NCKAP5: variants seen among roughly 807,000 people sequenced by gnomAD.
The protein encoded by NCKAP5 is nck-associated protein 5.
Under a neutral mutation model 167.0 loss-of-function variants are expected in NCKAP5, and 92 were observed. That is an observed-to-expected ratio of 0.55 (90% CI 0.47 to 0.66). The LOEUF is 0.66. Ranked by LOEUF, NCKAP5 falls within the 30% of genes least tolerant of loss-of-function variation. NCKAP5 has a pLI of 0.00. For synonymous variants in NCKAP5, 891 were observed against 877.4 expected (o/e 1.02, Z -0.27); for missense variants, 2,378 against 2,315.0 (o/e 1.03, Z -0.56).
At chr2:133,370,702 A>ATT (rs57830853) in intron 3 of NCKAP5, among the ~76,000 whole-genome samples, 2,634 of 138,680 alleles carry the variant, frequency 0.019, 68 homozygotes, top group African/African-American at 0.064. Flanking sequence ...TGGCTAACGT[A>ATT]TTTTTTTTTT....
At chr2:133,647,899 C>T in the NCKAP5 span, among the ~76,000 whole-genome samples, 3 of 151,906 alleles carry the variant, frequency 2.0e-5, no homozygotes, top group Admixed American at 1.3e-4. Flanking sequence ...ACGATGATTA[C>T]GTTAAATGCA....
At chr2:132,775,907 C>T (rs187154594) in intron 15 of NCKAP5, among the ~76,000 whole-genome samples, 89 of 152,272 alleles carry the variant, frequency 5.8e-4, no homozygotes, top group Admixed American at 1.9e-3. Flanking sequence ...ATTTTAAACT[C>T]GCAGGGGTGC....
chr2:133,525,476 T>G (rs1558754479), intron 2 of NCKAP5, among the ~76,000 whole-genome samples: 2 of 152,182 alleles, frequency 1.3e-5, no homozygotes, highest in African/African-American at 4.8e-5. Flanking sequence ...CTGGAAATCT[T>G]GTCTATTTTT....
chr2:133,442,675 AG>A (rs1215965245), intron 3 of NCKAP5, among the ~76,000 whole-genome samples: 1 of 152,218 alleles, frequency 6.6e-6, no homozygotes, highest in African/African-American at 2.4e-5. Context: ...AGCACCTAGC[AG>A]AGTGTGGGCT....
chr2:133,106,674 T>C (rs1390670500), intron 6 of NCKAP5, among the ~76,000 whole-genome samples: 1 of 152,202 alleles, frequency 6.6e-6, no homozygotes, highest in Non-Finnish European at 1.5e-5. Context: ...GCAGAACTTG[T>C]GTGACTGTAA....
intron 6 of NCKAP5, among the ~76,000 whole-genome samples, chr2:133,008,167 C>G (rs1343131185): frequency 6.6e-6 from 1 of 151,882 alleles, no homozygotes; most frequent in Admixed American, 6.6e-5. Context: ...CTCTTGGTGG[C>G]CTTTTCCCAT....
the NCKAP5 span, among the ~76,000 whole-genome samples, chr2:133,616,474 C>T: frequency 6.6e-6 from 1 of 150,966 alleles, no homozygotes; most frequent in African/African-American, 2.4e-5. Flanking sequence ...GGGGATATCA[C>T]CACCGATCCC....
chr2:132,895,243 A>C (rs1258286487), intron 8 of NCKAP5, among the ~76,000 whole-genome samples: 1 of 151,484 alleles, frequency 6.6e-6, no homozygotes, highest in Non-Finnish European at 1.5e-5. Context: ...AGGCAGGAGA[A>C]TAGCGTGAAC....
chr2:133,547,194 A>C lies in NCKAP5; in HGVS notation c.-62+11856T>G, dbSNP rs188198458. Among the ~76,000 whole-genome samples, 160 of 152,272 alleles carry C rather than the reference A, an allele frequency of 1.1e-3. 3 individuals carry two copies. The highest frequency in any genetic ancestry group is 3.6e-3 in the African/African-American group (148 of 41,564). ...CCGGCTTAAAAAACGGCGCGCCACG[A>C]GATTATATCACACACCTGGCTCGGA... On this transcript the variant is annotated intron_variant, in intron 2 of 19. Coordinates refer to ENST00000409261, the MANE Select transcript of NCKAP5 (RefSeq NM_207363.3).
At chr2:132,890,758 G>A (rs889593507) in intron 8 of NCKAP5, among the ~76,000 whole-genome samples, 12 of 152,128 alleles carry the variant, frequency 7.9e-5, no homozygotes, top group African/African-American at 2.7e-4. Flanking sequence ...TATGTGTAGC[G>A]TAGTTGGCTA....
chr2:132,726,025 C>T (rs1380591947), intron 18 of NCKAP5, among the ~76,000 whole-genome samples: 1 of 152,166 alleles, frequency 6.6e-6, no homozygotes, highest in Non-Finnish European at 1.5e-5. Context: ...CTGCCGTTGT[C>T]CCAGGCTCAG....
intron 5 of NCKAP5, among the ~76,000 whole-genome samples, chr2:133,152,261 G>A (rs980915303): frequency 4.6e-5 from 7 of 152,084 alleles, no homozygotes; most frequent in Admixed American, 1.3e-4. Context: ...TAGGGATGGC[G>A]CCAGAGGAAT....
At chr2:133,344,257 A>G (rs1048172436) in intron 3 of NCKAP5, among the ~76,000 whole-genome samples, 34 of 152,154 alleles carry the variant, frequency 2.2e-4, no homozygotes, top group African/African-American at 7.7e-4. Flanking sequence ...AAAAATACAA[A>G]AATTAGCTAG....
At chr2:133,396,378 C>T (rs182488389) in intron 3 of NCKAP5, among the ~76,000 whole-genome samples, 1 of 152,228 alleles carries the variant, frequency 6.6e-6, no homozygotes, top group East Asian at 1.9e-4. Flanking sequence ...ACAAGAATGA[C>T]TTATCCTACA....
rs868517107 is a variant in NCKAP5, at chr2:132,695,679, C to T, written c.5714-22374G>A. ...AATAGGAAGCGTTGGTAGTTTGGGG[C>T]CTTATAATGTAAAATTGTGCCTGAA... On this transcript the variant is annotated intron_variant, in intron 19 of 19. Coordinates refer to ENST00000409261, the MANE Select transcript of NCKAP5 (RefSeq NM_207363.3). Among the ~76,000 whole-genome samples the T allele has an allele frequency of 4.6e-5, 7 of 152,154 alleles. No homozygotes were observed. In the South Asian group the frequency reaches 1.2e-3, roughly 27 times the overall value.
At chr2:133,489,041 A>ATCGTGCC (rs1681196820) in intron 3 of NCKAP5, among the ~76,000 whole-genome samples, 1 of 152,216 alleles carries the variant, frequency 6.6e-6, no homozygotes, top group Admixed American at 6.5e-5. Context: ...GTGTGCCATG[A>ATCGTGCC]TCGTGCCACT....
chr2:133,213,530 T>G (rs2086295999), intron 5 of NCKAP5, among the ~76,000 whole-genome samples, 186 bp downstream of exon 5: 1 of 152,154 alleles, frequency 6.6e-6, no homozygotes, highest in Non-Finnish European at 1.5e-5. Context: ...TTTCAATTAA[T>G]ATCTCTCACT....
intron 11 of NCKAP5, among the ~76,000 whole-genome samples, chr2:132,845,782 G>C (rs1688617848): frequency 6.6e-6 from 1 of 152,072 alleles, no homozygotes; most frequent in Non-Finnish European, 1.5e-5. Flanking sequence ...TAACTTCCCA[G>C]GTGTATTTTA....
rs143519004 is a variant in NCKAP5 at position 133,332,097 on chromosome 2, G to A, written c.70-28987C>T. 7.4e-3 allele frequency among the ~76,000 whole-genome samples: 1,119 copies of A among 152,216 alleles called. 17 individuals carry two copies. The highest frequency in any genetic ancestry group is 0.024 in the African/African-American group (984 of 41,536). On this transcript the variant is annotated intron_variant, in intron 3 of 19. Coordinates refer to ENST00000409261, the MANE Select transcript of NCKAP5 (RefSeq NM_207363.3). ...GTGATGAGAAAAAGTGTGCCCTCAG[G>A]GAGACTTCAGATAGTACCTTGGAGC...
Sources: allele counts gnomAD v4.1 joint callset (sites outside exome capture counted in the v4.1 genomes callset), GRCh38; gene constraint gnomAD v4.1.1; transcripts MANE v1.5; gene names NCBI Gene and HGNC (gene_info 2026-07-23, HGNC 2026-07-21).